Variants in PTPRJ observed in about 807,000 individuals in gnomAD.
The protein encoded by PTPRJ is receptor-type tyrosine-protein phosphatase eta.
PTPRJ carries 129 observed loss-of-function variants against 141.3 expected under a neutral mutation model. That is an observed-to-expected ratio of 0.91 (90% confidence interval 0.79 to 1.06). PTPRJ has a LOEUF of 1.06. Among genes scored for constraint, PTPRJ ranks in the 50% least tolerant of loss-of-function variants. The pLI, the probability that PTPRJ is intolerant of heterozygous loss-of-function variation, is 0.00. For missense variants in PTPRJ, 1,601 were observed against 1,679.7 expected (o/e 0.95, Z 0.82); for synonymous variants, 610 against 640.5 (o/e 0.95, Z 0.72).
At chr11:48,046,600 CT>C (rs1239187719) in intron 1 of PTPRJ, among the ~76,000 whole-genome samples, 1 of 152,046 alleles carries the variant, frequency 6.6e-6, no homozygotes, top group Non-Finnish European at 1.5e-5. Flanking sequence ...ATTATGGTTT[CT>C]TTTGTGGTGT....
intron 1 of PTPRJ, among the ~76,000 whole-genome samples, chr11:47,985,854 C>G (rs1295943388): frequency 6.6e-6 from 1 of 152,146 alleles, no homozygotes; most frequent in Non-Finnish European, 1.5e-5. Context: ...ACGTGCGCTA[C>G]CATGCGCAGC....
At chr11:48,039,917 T>C (rs978591427) in intron 1 of PTPRJ, among the ~76,000 whole-genome samples, 2 of 152,128 alleles carry the variant, frequency 1.3e-5, no homozygotes, top group Non-Finnish European at 2.9e-5. Flanking sequence ...GCCTCCCCAT[T>C]AGCTGGGAAT....
At chr11:48,022,761 T>C (rs1853687626) in intron 1 of PTPRJ, among the ~76,000 whole-genome samples, 2 of 152,176 alleles carry the variant, frequency 1.3e-5, no homozygotes, top group South Asian at 4.1e-4. Flanking sequence ...GTTCATTTCA[T>C]TTTTGGATTT....
chr11:48,122,861 C>G (rs1209311727), intron 4 of PTPRJ, among the ~76,000 whole-genome samples: 1 of 152,162 alleles, frequency 6.6e-6, no homozygotes. Flanking sequence ...AGGGGTTTTG[C>G]TCTATCTGCA....
intron 1 of PTPRJ, among the ~76,000 whole-genome samples, chr11:48,067,890 T>C (rs942196893): frequency 3.3e-5 from 5 of 152,174 alleles, no homozygotes; most frequent in African/African-American, 1.2e-4. Context: ...CCATAGCCCT[T>C]GGGGACGGGC....
intron 3 of PTPRJ, 35 bp from the exon 4 acceptor site, chr11:48,120,968 G>T (rs1429424544): frequency 1.4e-6 from 2 of 1,457,250 alleles, no homozygotes; most frequent in Non-Finnish European, 1.8e-6. Flanking sequence ...TCTTTTTGAA[G>T]TGCAATAATT....
Position 48,130,583 on chromosome 11 carries a change from T to G in PTPRJ, c.1482T>G (p.Ser494=). 1 of 1,614,156 alleles carries G rather than the reference T, an allele frequency of 6.2e-7. No homozygotes were observed. Among genetic ancestry groups the G allele is most frequent in the Non-Finnish European group, 8.5e-7 (1 of 1,180,020 alleles). The change falls in exon 8 of 25, where the codon TCT becomes TCG. Residue 494 remains serine, a synonymous_variant. Transcript: ENST00000418331. Reference sequence around the variant, plus strand: ...TCACACAGGAGGGAGCTGGCAATTCTCGGGTAGAAATAACCACCAACCAAA... The same window carrying G: ...TCACACAGGAGGGAGCTGGCAATTCGCGGGTAGAAATAACCACCAACCAAA... ...MHITQEGAGN[S]RVEITTNQSI...
chr11:48,069,198 A>C (rs1206627560), intron 1 of PTPRJ, among the ~76,000 whole-genome samples: 1 of 150,862 alleles, frequency 6.6e-6, no homozygotes, highest in East Asian at 2.0e-4. Context: ...CTCCCGGGAT[A>C]AAGCGATTCT....
At chr11:48,009,100 C>T (rs1349100571) in intron 1 of PTPRJ, among the ~76,000 whole-genome samples, 2 of 152,008 alleles carry the variant, frequency 1.3e-5, no homozygotes, top group African/African-American at 2.4e-5. Flanking sequence ...TGGGATGAAC[C>T]GTGTGTGGGA....
At chr11:48,087,269 A>G (rs1365634276) in intron 1 of PTPRJ, among the ~76,000 whole-genome samples, 2 of 152,242 alleles carry the variant, frequency 1.3e-5, no homozygotes, top group Admixed American at 1.3e-4. Context: ...AAAAGAGATA[A>G]AGGAAAGAGA....
intron 1 of PTPRJ, among the ~76,000 whole-genome samples, chr11:48,087,778 G>C (rs1590485542): frequency 1.3e-5 from 2 of 152,126 alleles, no homozygotes; most frequent in East Asian, 3.9e-4. Context: ...CTACCCAAGG[G>C]GTTCACGGGA....
intron 1 of PTPRJ, among the ~76,000 whole-genome samples, chr11:48,049,633 G>A (rs1454698869): frequency 6.6e-6 from 1 of 150,812 alleles, no homozygotes; most frequent in Non-Finnish European, 1.5e-5. Context: ...AGAATCGCTT[G>A]AACCTGGGAG....
intron 12 of PTPRJ, among the ~76,000 whole-genome samples, chr11:48,143,726 G>A (rs1857285382): frequency 6.6e-6 from 1 of 151,836 alleles, no homozygotes; most frequent in Non-Finnish European, 1.5e-5. Context: ...TTGAGTGCTT[G>A]CATAAGGCCT....
intron 1 of PTPRJ, among the ~76,000 whole-genome samples, chr11:47,988,879 GTTTTTTTTTTT>G (rs869194701): frequency 6.5e-5 from 5 of 76,340 alleles, no homozygotes; most frequent in South Asian, 4.0e-4. Context: ...ATTGTATCTT[GTTTTTTTTTTT>G]TTTTTTTTTT....
chr11:48,066,509 C>T (rs1221633984), intron 1 of PTPRJ, among the ~76,000 whole-genome samples: 1 of 151,638 alleles, frequency 6.6e-6, no homozygotes. Context: ...GTGACTGTTT[C>T]CTGGGAAACT....
rs760752414 is a variant in PTPRJ at position 48,150,112 on chromosome 11, G to A, written c.3067G>A (p.Val1023Met). Residue 1023 changes from valine (V) to methionine (M), a missense_variant, in exon 18 of 25, where the codon GTG becomes ATG. By Grantham distance (21) the Val-to-Met change is conservative (BLOSUM62 1). Transcript: ENST00000418331. ...IKPKKSKLIR[V>M]ENFEAYFKKQ... ...TTTTCTTAGATCTAAGTTAATCAGA[G>A]TGGAGAATTTTGAGGCCTACTTCAA... 9.9e-6 allele frequency: 16 copies of A among 1,613,880 alleles called. No individual in the cohort carries two copies. The highest frequency in any genetic ancestry group is 6.7e-5 in the East Asian group (3 of 44,894).
At position 48,164,529 on chromosome 11, in the gene PTPRJ, C is replaced by G. The variant is rs201682433; in HGVS notation, c.3855+14C>G. ...GTGCAGACAGAGGTGAGGCCAAGAT[C>G]TGTATTTGACATTCCACCCTTCCCC... is the stretch of plus-strand genomic sequence containing the variant. On this transcript the variant is annotated intron_variant, in intron 24 of 24. Coordinates refer to ENST00000418331, the MANE Select transcript of PTPRJ (RefSeq NM_002843.4). 7.2e-7 allele frequency: 1 copy of G among 1,386,642 alleles called. No individual in the cohort carries two copies. The highest frequency in any genetic ancestry group is 1.6e-5 in the African/African-American group (1 of 63,880). The allele number at this position is 1,386,642 out of a possible 1,614,324, so 85.9% of individuals were successfully genotyped here.
At chr11:48,092,149 G>C (rs1855880417) in intron 1 of PTPRJ, among the ~76,000 whole-genome samples, 1 of 151,758 alleles carries the variant, frequency 6.6e-6, no homozygotes. Flanking sequence ...ACAAAAATTA[G>C]CCAGGGATGG....
intron 1 of PTPRJ, among the ~76,000 whole-genome samples, chr11:48,071,188 C>T (rs80209692): frequency 2.1e-3 from 316 of 152,180 alleles, no homozygotes; most frequent in African/African-American, 7.1e-3. Context: ...TATGGGGTTC[C>T]GAACAGATAT....
Sources: gnomAD v4.1 joint callset for allele counts (sites outside exome capture counted in the v4.1 genomes callset) on GRCh38, gnomAD v4.1.1 for gene constraint, MANE v1.5 for transcripts, NCBI Gene and HGNC (gene_info 2026-07-23, HGNC 2026-07-21) for gene names.